SLC9D1: variants seen among roughly 807,000 people sequenced by gnomAD.
SLC9D1 encodes the protein putative LAG1-interacting protein.
At chr13:113,541,623 C>A in the SLC9D1 span, among the ~76,000 whole-genome samples, 3 of 141,736 alleles carry the variant, frequency 2.1e-5, no homozygotes, top group East Asian at 6.3e-4. Context: ...GTGGATGATA[C>A]GCACACGATT....
chr13:113,524,363 G>A, the SLC9D1 span, among the ~76,000 whole-genome samples: 3 of 151,922 alleles, frequency 2.0e-5, no homozygotes, highest in Non-Finnish European at 4.4e-5. Flanking sequence ...GTTGTTTTTC[G>A]AGACATAGTC....
At chr13:113,547,364 A>C in the SLC9D1 span, 78 of 1,613,638 alleles carry the variant, frequency 4.8e-5, no homozygotes, top group Non-Finnish European at 6.2e-5. Flanking sequence ...TCACCTTGTC[A>C]GTGGTGGTGA....
At chr13:113,525,866 G>A in the SLC9D1 span, among the ~76,000 whole-genome samples, 17 of 148,432 alleles carry the variant, frequency 1.1e-4, no homozygotes, top group African/African-American at 3.3e-4. Flanking sequence ...CATCGTCGTC[G>A]TAGGAGACGA....
At chr13:113,531,737 G>A in the SLC9D1 span, among the ~76,000 whole-genome samples, 7 of 152,266 alleles carry the variant, frequency 4.6e-5, no homozygotes, top group African/African-American at 1.7e-4. Context: ...CGGTGGCACG[G>A]CGGCAAGCCG....
the SLC9D1 span, among the ~76,000 whole-genome samples, chr13:113,507,035 G>T: frequency 1.3e-5 from 2 of 152,064 alleles, no homozygotes; most frequent in South Asian, 4.2e-4. Context: ...ACACTGGATT[G>T]GGACTCAGGA....
the SLC9D1 span, among the ~76,000 whole-genome samples, chr13:113,520,374 C>T: frequency 6.6e-6 from 1 of 151,388 alleles, no homozygotes; most frequent in African/African-American, 2.4e-5. Flanking sequence ...ATCCCAGCTA[C>T]TCAGGAGGCT....
chr13:113,513,137 A>G, the SLC9D1 span, among the ~76,000 whole-genome samples: 1 of 152,194 alleles, frequency 6.6e-6, no homozygotes, highest in African/African-American at 2.4e-5. Context: ...TGGTTTAAAA[A>G]GGAACAGCAA....
the SLC9D1 span, among the ~76,000 whole-genome samples, chr13:113,544,269 G>A: frequency 1.3e-5 from 2 of 152,360 alleles, no homozygotes; most frequent in South Asian, 2.1e-4. Flanking sequence ...CTTCTGAGTC[G>A]AGGCTGCATC....
chr13:113,497,286 C>T, the SLC9D1 span, among the ~76,000 whole-genome samples: 1 of 152,008 alleles, frequency 6.6e-6, no homozygotes, highest in Non-Finnish European at 1.5e-5. Context: ...TGTGCAAGAC[C>T]TGCAGCTGTG....
the SLC9D1 span, among the ~76,000 whole-genome samples, chr13:113,507,764 A>G: frequency 6.6e-6 from 1 of 152,174 alleles, no homozygotes; most frequent in Non-Finnish European, 1.5e-5. Context: ...CTCTGTTCTA[A>G]CTACAAATAC....
the SLC9D1 span, chr13:113,547,269 G>A: frequency 1.7e-5 from 27 of 1,570,870 alleles, no homozygotes; most frequent in South Asian, 4.4e-5. Flanking sequence ...GCTGTCCTGC[G>A]GTCGTAACGT....
chr13:113,547,404 C>G, the SLC9D1 span: 42 of 1,584,620 alleles, frequency 2.7e-5, no homozygotes, highest in Non-Finnish European at 3.4e-5. Context: ...GGTCCACGCC[C>G]CTCGCAGTTT....
chr13:113,509,890 C>T, the SLC9D1 span, among the ~76,000 whole-genome samples: 1 of 152,180 alleles, frequency 6.6e-6, no homozygotes, highest in Non-Finnish European at 1.5e-5. Flanking sequence ...ATTTACTGGC[C>T]ACGTGACCTT....
the SLC9D1 span, among the ~76,000 whole-genome samples, chr13:113,535,864 G>C: frequency 1.3e-5 from 2 of 152,224 alleles, no homozygotes; most frequent in South Asian, 4.2e-4. The surrounding 1 kb of genome is among the most constrained non-coding windows in gnomAD (Gnocchi z 4.1). Flanking sequence ...GGATGGGGAT[G>C]GCATTCGCTG....
At chr13:113,527,588 C>G in the SLC9D1 span, 4 of 152,192 alleles carry the variant, frequency 2.6e-5, no homozygotes, top group African/African-American at 9.6e-5. Context: ...TCTCTGGCAG[C>G]TTTCAAGGTT....
the SLC9D1 span, among the ~76,000 whole-genome samples, chr13:113,518,304 C>A: frequency 6.6e-6 from 1 of 152,178 alleles, no homozygotes; most frequent in South Asian, 2.1e-4. Context: ...TGCGCAGGCC[C>A]TGTGGGTGTG....
the SLC9D1 span, chr13:113,495,674 T>C: frequency 1.9e-6 from 3 of 1,609,568 alleles, no homozygotes; most frequent in Non-Finnish European, 8.5e-7. Context: ...TGGCGCAGCG[T>C]GTGATCAAAC....
At chr13:113,506,976 A>G in the SLC9D1 span, among the ~76,000 whole-genome samples, 2 of 151,696 alleles carry the variant, frequency 1.3e-5, no homozygotes, top group African/African-American at 2.4e-5. Context: ...TCTGTTAGTA[A>G]GTTGTGCTCA....
At chr13:113,520,407 C>T in the SLC9D1 span, 12 of 388,464 alleles carry the variant, frequency 3.1e-5, no homozygotes, top group Non-Finnish European at 5.6e-5. Context: ...TCACTTGAAC[C>T]CGGGAGGTGG....
Sources: allele counts gnomAD v4.1 joint callset (sites outside exome capture counted in the v4.1 genomes callset), GRCh38; gene constraint gnomAD v4.1.1; non-coding constraint Gnocchi (gnomAD v3.1); transcripts MANE v1.5; gene names NCBI Gene and HGNC (gene_info 2026-07-23, HGNC 2026-07-21).